The following BMPR1B variants were observed in gnomAD, a reference collection of about 807,000 sequenced individuals.
The protein encoded by BMPR1B is bone morphogenetic protein receptor type 1B.
Under a neutral mutation model 59.1 loss-of-function variants are expected in BMPR1B, and 12 were observed. That is an observed-to-expected ratio of 0.20 (90% CI 0.13 to 0.33). The LOEUF is 0.33. BMPR1B is among the 10% of genes least tolerant of loss of function. The probability of loss-of-function intolerance (pLI) is 1.00; values close to 1 mark genes in which losing one functional copy is unlikely to be tolerated. For synonymous variants in BMPR1B, 237 were observed against 207.3 expected (o/e 1.14, Z -1.23); for missense variants, 550 against 610.9 (o/e 0.90, Z 1.05).
chr4:95,097,651 C>A (rs1431336129), intron 3 of BMPR1B, among the ~76,000 whole-genome samples: 4 of 152,088 alleles, frequency 2.6e-5, no homozygotes. Flanking sequence ...GATTCTCCTG[C>A]CTCAGCCTCC....
At chr4:94,834,343 C>CT (rs1724716644) in intron 1 of BMPR1B, among the ~76,000 whole-genome samples, 1 of 152,126 alleles carries the variant, frequency 6.6e-6, no homozygotes, top group African/African-American at 2.4e-5. Flanking sequence ...TCGTGATATG[C>CT]TTATCTTCCT....
At chr4:95,089,819 T>C (rs1729850193) in intron 3 of BMPR1B, among the ~76,000 whole-genome samples, 1 of 152,144 alleles carries the variant, frequency 6.6e-6, no homozygotes, top group African/African-American at 2.4e-5. Context: ...TTTCAGCCTA[T>C]TAAGTATAAT....
intron 3 of BMPR1B, 156 bp from the exon 4 acceptor site, chr4:95,104,252 G>C (rs957179568): frequency 3.4e-6 from 3 of 871,698 alleles, no homozygotes; most frequent in Non-Finnish European, 5.2e-6. Context: ...TAAAAGACAT[G>C]ATTTTAATCA....
intron 1 of BMPR1B, among the ~76,000 whole-genome samples, chr4:94,853,326 G>A (rs1012392089): frequency 6.6e-6 from 1 of 152,144 alleles, no homozygotes; most frequent in African/African-American, 2.4e-5. Context: ...TTGAAATACT[G>A]TGTCCAATTG....
At chr4:94,792,861 T>A (rs1472960) in intron 1 of BMPR1B, among the ~76,000 whole-genome samples, 68,239 of 151,970 alleles carry the variant, frequency 0.45, 15,924 homozygotes, top group East Asian at 0.61. Flanking sequence ...AAAAGTTACC[T>A]GAAAAATTTC....
intron 2 of BMPR1B, among the ~76,000 whole-genome samples, chr4:94,884,972 C>G (rs939717810): frequency 6.6e-6 from 1 of 152,152 alleles, no homozygotes; most frequent in South Asian, 2.1e-4. Context: ...GCTGTGAGCA[C>G]GTGAACAGGC....
intron 8 of BMPR1B, among the ~76,000 whole-genome samples, chr4:95,126,338 ACT>A (rs1265151403): frequency 6.6e-6 from 1 of 152,204 alleles, no homozygotes; most frequent in Non-Finnish European, 1.5e-5. Context: ...CTATAAAAAT[ACT>A]GTCTTGTTTC....
chr4:95,115,685 G>T lies in BMPR1B; in HGVS notation c.247G>T (p.Asp83Tyr), dbSNP rs369807264. The T allele has an allele frequency of 3.2e-5, 51 of 1,612,336 alleles. No individual in the cohort carries two copies. Among genetic ancestry groups the T allele is most frequent in the South Asian group, 6.6e-5 (6 of 91,048 alleles). Residue 83 changes from aspartate (D) to tyrosine (Y), a missense_variant and splice_region_variant, in exon 6 of 13, where the codon GAC becomes TAC. This residue lies in a region of BMPR1B where 24 missense variants were observed against 20.3 expected (regional missense o/e 1.18). Coordinates refer to ENST00000515059, the MANE Select transcript of BMPR1B (RefSeq NM_001203.3). Reference protein sequence around the residue: ...GLEGSDFQCRDTPIPHQRRSI... With the variant: ...GLEGSDFQCRYTPIPHQRRSI... ...AATAGCTGTTTGGGTTCGATTATAG[G>T]ACACTCCCATTCCTCATCAAAGAAG...
At chr4:94,825,601 T>A (rs1724355636) in intron 1 of BMPR1B, among the ~76,000 whole-genome samples, 1 of 152,198 alleles carries the variant, frequency 6.6e-6, no homozygotes, top group African/African-American at 2.4e-5. Context: ...AGACTTGCCT[T>A]CTCATTGGCA....
At chr4:94,953,516 A>C (rs1451866229) in intron 2 of BMPR1B, among the ~76,000 whole-genome samples, 2 of 152,168 alleles carry the variant, frequency 1.3e-5, no homozygotes, top group East Asian at 3.8e-4. Flanking sequence ...TCCTTCACTT[A>C]TAAAGCTTAG....
At chr4:95,108,663 C>A (rs1731375144) in intron 4 of BMPR1B, among the ~76,000 whole-genome samples, 2 of 152,028 alleles carry the variant, frequency 1.3e-5, no homozygotes, top group African/African-American at 4.8e-5. Context: ...AAAATCCATG[C>A]CATTTCCACT....
At chr4:94,967,147 CTA>C (rs1400733890) in intron 2 of BMPR1B, among the ~76,000 whole-genome samples, 1 of 152,128 alleles carries the variant, frequency 6.6e-6, no homozygotes, top group Non-Finnish European at 1.5e-5. Flanking sequence ...AAAAATAAAA[CTA>C]TGGAATTAAG....
At chr4:94,995,912 C>T (rs567184684) in intron 2 of BMPR1B, 128 bp from the exon 3 acceptor site, 24 of 152,246 alleles carry the variant, frequency 1.6e-4, no homozygotes, top group African/African-American at 5.3e-4. Context: ...TAGACCACTA[C>T]GTAGCTGCCT....
chr4:94,845,085 A>T lies in BMPR1B; in HGVS notation c.-182-30746A>T, dbSNP rs532813797. On this transcript the variant is annotated intron_variant, in intron 1 of 12. Transcript: ENST00000515059. ...GAGCAAAATAGAGTATCAACACTAA[A>T]AGATGAAAAAAATCACAAAATGTTG... Among the ~76,000 whole-genome samples, 6 of 91,724 alleles carry T rather than the reference A, an allele frequency of 6.5e-5. No individual in the cohort carries two copies. The East Asian group carries it at 1.0e-3, about 16-fold the overall frequency. The allele number at this position is 91,724 out of a possible 152,430, so 60.2% of individuals were successfully genotyped here. A position where few individuals can be genotyped will look rare whatever the true frequency, so the allele number is the denominator to read the frequency against.
intron 2 of BMPR1B, among the ~76,000 whole-genome samples, chr4:94,915,546 T>C (rs1728450666): frequency 6.6e-6 from 1 of 152,216 alleles, no homozygotes; most frequent in Non-Finnish European, 1.5e-5. Flanking sequence ...GGACAGATGT[T>C]TCATCTTTTC....
chr4:95,054,411 G>A (rs1318667179), intron 3 of BMPR1B, among the ~76,000 whole-genome samples: 1 of 152,102 alleles, frequency 6.6e-6, no homozygotes, highest in East Asian at 1.9e-4. Context: ...TCTTGGTAGA[G>A]GTCTTGAACT....
intron 3 of BMPR1B, among the ~76,000 whole-genome samples, chr4:95,067,998 C>T (rs963221525): frequency 6.6e-6 from 1 of 152,088 alleles, no homozygotes; most frequent in Non-Finnish European, 1.5e-5. Flanking sequence ...GACCAACATT[C>T]GCAAAACACC....
intron 1 of BMPR1B, among the ~76,000 whole-genome samples, chr4:94,857,341 C>T (rs940044295): frequency 3.3e-5 from 5 of 152,044 alleles, no homozygotes; most frequent in African/African-American, 4.8e-5. Flanking sequence ...AATATGTAGC[C>T]GTTTAGGCAG....
intron 2 of BMPR1B, among the ~76,000 whole-genome samples, chr4:94,941,094 G>A (rs1729492219): frequency 6.6e-6 from 1 of 152,140 alleles, no homozygotes; most frequent in Non-Finnish European, 1.5e-5. Context: ...CTACAATTTA[G>A]TTGTAAAACG....
Sources: allele counts gnomAD v4.1 joint callset (sites outside exome capture counted in the v4.1 genomes callset), GRCh38; gene constraint gnomAD v4.1.1; regional missense constraint gnomAD v4.1.1; transcripts MANE v1.5; gene names NCBI Gene and HGNC (gene_info 2026-07-23, HGNC 2026-07-21).